The following MITF variants were observed in gnomAD, a reference collection of about 807,000 sequenced individuals.
MITF encodes melanocyte inducing transcription factor, also known as microphthalmia-associated transcription factor.
MITF carries 17 observed loss-of-function variants against 60.5 expected under a neutral mutation model. The ratio of observed to expected loss-of-function variants is 0.28; its 90% CI spans 0.19 to 0.42. The LOEUF is 0.42. Among genes scored for constraint, MITF ranks in the 10% least tolerant of loss-of-function variants. MITF has a pLI of 1.00. For synonymous variants in MITF, 260 were observed against 248.5 expected, an observed-to-expected ratio of 1.05 and a Z score of -0.43; for missense variants, 622 against 683.5, an observed-to-expected ratio of 0.91 and a Z score of 1.00.
At chr3:69,959,086 G>A (rs1369826020) in intron 8 of MITF, among the ~76,000 whole-genome samples, 187 bp from the exon 9 acceptor site, 3 of 151,944 alleles carry the variant, frequency 2.0e-5, no homozygotes, top group Non-Finnish European at 4.4e-5. Context: ...GGTGGTGGGT[G>A]TACCAAAATC....
chr3:69,740,893 G>C (rs1383002337), intron 1 of MITF, among the ~76,000 whole-genome samples: 5 of 152,158 alleles, frequency 3.3e-5, no homozygotes, highest in Admixed American at 3.3e-4. Context: ...GCAACTGAAC[G>C]GGGAGCCAAG....
chr3:69,806,364 G>A (rs575838799), intron 1 of MITF, among the ~76,000 whole-genome samples: 168 of 152,202 alleles, frequency 1.1e-3, no homozygotes, highest in Non-Finnish European at 2.0e-3. Context: ...GGGATTACAG[G>A]TGTGAGCCAC....
At chr3:69,901,533 T>G (rs1013561117) in intron 2 of MITF, among the ~76,000 whole-genome samples, 2 of 152,100 alleles carry the variant, frequency 1.3e-5, no homozygotes, top group African/African-American at 4.8e-5. Context: ...TAAGATTTTG[T>G]TAGAGTGCAC....
intron 1 of MITF, among the ~76,000 whole-genome samples, chr3:69,835,293 C>T (rs957521056): frequency 6.6e-6 from 1 of 152,080 alleles, no homozygotes; most frequent in Non-Finnish European, 1.5e-5. Flanking sequence ...GCTGGGATTG[C>T]AGGCATGCAC....
intron 2 of MITF, among the ~76,000 whole-genome samples, chr3:69,921,704 T>C (rs1341989458): frequency 6.6e-6 from 1 of 152,192 alleles, no homozygotes; most frequent in African/African-American, 2.4e-5. Context: ...AGGAAGCATG[T>C]CAATAGTTCA....
intron 1 of MITF, among the ~76,000 whole-genome samples, chr3:69,753,897 C>T (rs1704031269): frequency 6.6e-6 from 1 of 152,120 alleles, no homozygotes; most frequent in Non-Finnish European, 1.5e-5. Context: ...TCAGATGAGA[C>T]TTTGGACTTT....
chr3:69,902,586 T>C (rs1191197300), intron 2 of MITF, among the ~76,000 whole-genome samples: 1 of 152,230 alleles, frequency 6.6e-6, no homozygotes, highest in African/African-American at 2.4e-5. Flanking sequence ...CATAGGTTAT[T>C]CTGGTATAGA....
intron 2 of MITF, among the ~76,000 whole-genome samples, chr3:69,880,681 A>G (rs1015232267): frequency 2.0e-5 from 3 of 152,002 alleles, no homozygotes; most frequent in Admixed American, 2.0e-4. Context: ...ATGATCACTA[A>G]GTTTTTATAG....
intron 2 of MITF, among the ~76,000 whole-genome samples, chr3:69,894,235 A>C (rs1256867371): frequency 2.6e-5 from 4 of 152,272 alleles, no homozygotes; most frequent in Non-Finnish European, 4.4e-5. Flanking sequence ...TTGCAGAACC[A>C]GTCAACTGAT....
intron 1 of MITF, among the ~76,000 whole-genome samples, chr3:69,805,475 C>T (rs1434914676): frequency 2.0e-5 from 3 of 149,664 alleles, no homozygotes; most frequent in Non-Finnish European, 3.0e-5. Context: ...GGTTTTTTTG[C>T]AGTGATTAAG....
intron 1 of MITF, among the ~76,000 whole-genome samples, chr3:69,781,520 G>C (rs2062564035): frequency 6.6e-6 from 1 of 152,088 alleles, no homozygotes. Flanking sequence ...AGGGCCCTGT[G>C]CACCTGCATA....
At chr3:69,752,379 C>A (rs1703969268) in intron 1 of MITF, 2 of 152,088 alleles carry the variant, frequency 1.3e-5, no homozygotes, top group African/African-American at 4.8e-5. Context: ...TGGTTGTGAA[C>A]AAAATGCTGG....
chr3:69,894,292 T>C (rs1312377618), intron 2 of MITF, among the ~76,000 whole-genome samples: 1 of 152,230 alleles, frequency 6.6e-6, no homozygotes, highest in Non-Finnish European at 1.5e-5. Flanking sequence ...CTAATCAAGT[T>C]GCATAATCAT....
Position 69,908,868 on chromosome 3 carries a change from C to T in MITF, c.355-28954C>T, listed in dbSNP as rs546590991. Among the ~76,000 whole-genome samples, 21 of 152,294 alleles carry T rather than the reference C, an allele frequency of 1.4e-4. No homozygotes were observed. In the South Asian group the frequency reaches 4.1e-3, roughly 30 times the overall value. The stretch of plus-strand genomic sequence containing the variant: ...ATTTGTATTAAGGTTAGTTCCTTTG[C>T]ACCTATCAGTTTTGCTTTTAAGTTG... On this transcript the variant is annotated intron_variant, in intron 2 of 9. Transcript: ENST00000352241.
chr3:69,871,584 T>A (rs1443515370), intron 1 of MITF, among the ~76,000 whole-genome samples: 10 of 152,232 alleles, frequency 6.6e-5, no homozygotes, highest in Non-Finnish European at 1.0e-4. Flanking sequence ...CACTGCTCCT[T>A]AGATTACAGT....
chr3:69,949,731 G>A (rs547868132), intron 6 of MITF, among the ~76,000 whole-genome samples: 69 of 152,238 alleles, frequency 4.5e-4, no homozygotes, highest in Non-Finnish European at 7.4e-4. Context: ...TGTTCTTGAG[G>A]CAAGTGTGAA....
At chr3:69,849,650 A>G (rs2063792326) in intron 1 of MITF, among the ~76,000 whole-genome samples, 1 of 152,218 alleles carries the variant, frequency 6.6e-6, no homozygotes, top group South Asian at 2.1e-4. Flanking sequence ...AATTGAGGCT[A>G]GTACTCTCTG....
chr3:69,741,775 C>T (rs181780656), intron 1 of MITF, among the ~76,000 whole-genome samples: 4 of 152,316 alleles, frequency 2.6e-5, no homozygotes, highest in Non-Finnish European at 5.9e-5. Flanking sequence ...GAGTTGGCAA[C>T]ATTTCTCTAT....
rs181504416 is a variant in MITF at position 69,861,028 on chromosome 3, A to T, written c.105-18106A>T. Among the ~76,000 whole-genome samples, 9 of 152,348 alleles carry T rather than the reference A, an allele frequency of 5.9e-5. No individual in the cohort carries two copies. The East Asian group carries it at 1.5e-3, about 26-fold the overall frequency. On this transcript the variant is annotated intron_variant, in intron 1 of 9. Transcript: ENST00000352241. ...AAAAATTTTCTTCAGTCATGCTGTGATGGTTTCAAATTAGAGCCGCTGGAC... is the reference window on the plus strand; with the variant it reads ...AAAAATTTTCTTCAGTCATGCTGTGTTGGTTTCAAATTAGAGCCGCTGGAC...
Sources: gnomAD v4.1 joint callset for allele counts (sites outside exome capture counted in the v4.1 genomes callset) on GRCh38, gnomAD v4.1.1 for gene constraint, MANE v1.5 for transcripts, NCBI Gene and HGNC (gene_info 2026-07-23, HGNC 2026-07-21) for gene names.